The following ROBO1 variants were observed in gnomAD, a reference collection of about 807,000 sequenced individuals.
ROBO1 encodes roundabout homolog 1.
A neutral mutation model predicts 195.9 loss-of-function variants in ROBO1; 149 were observed. The observed-to-expected ratio is 0.76, with a 90% CI of 0.67 to 0.87. ROBO1 has a LOEUF of 0.87. ROBO1 is among the 40% of genes least tolerant of loss of function. The probability of loss-of-function intolerance (pLI) is 0.00; values close to 1 mark genes in which losing one functional copy is unlikely to be tolerated. For missense variants in ROBO1, 1,933 were observed against 2,068.3 expected, an observed-to-expected ratio of 0.93 and a Z score of 1.27; for synonymous variants, 816 against 733.2, an observed-to-expected ratio of 1.11 and a Z score of -1.82.
chr3:78,806,781 C>CATAT (rs778765442), intron 4 of ROBO1, among the ~76,000 whole-genome samples: 4 of 151,994 alleles, frequency 2.6e-5, no homozygotes, highest in Non-Finnish European at 4.4e-5. Flanking sequence ...GTGTCTTAGT[C>CATAT]TATATATAAA....
chr3:79,671,288 T>C (rs1946624434), intron 1 of ROBO1, among the ~76,000 whole-genome samples: 1 of 151,874 alleles, frequency 6.6e-6, no homozygotes, highest in Non-Finnish European at 1.5e-5. Context: ...TGGAAATTAA[T>C]TCTCTTTTAA....
chr3:78,871,071 C>T (rs533015707), intron 4 of ROBO1, among the ~76,000 whole-genome samples: 1 of 152,128 alleles, frequency 6.6e-6, no homozygotes, highest in Admixed American at 6.5e-5. Context: ...ATCAAAAATA[C>T]GAGATGCTGC....
At chr3:79,343,555 C>G (rs1158021121) in intron 2 of ROBO1, among the ~76,000 whole-genome samples, 1 of 152,142 alleles carries the variant, frequency 6.6e-6, no homozygotes, top group Non-Finnish European at 1.5e-5. Flanking sequence ...AAAGCCTTCA[C>G]AGAAATGCAC....
chr3:78,666,169 A>C (rs185927940), intron 14 of ROBO1, among the ~76,000 whole-genome samples: 1 of 151,820 alleles, frequency 6.6e-6, no homozygotes, highest in Non-Finnish European at 1.5e-5. Context: ...CATGATTGTA[A>C]GTTTTCTGAG....
intron 1 of ROBO1, among the ~76,000 whole-genome samples, chr3:79,629,161 A>G (rs746766883): frequency 2.0e-5 from 3 of 152,094 alleles, no homozygotes; most frequent in Admixed American, 6.6e-5. Flanking sequence ...CCTACTAGAC[A>G]TTTTCACAAC....
intron 1 of ROBO1, among the ~76,000 whole-genome samples, chr3:79,721,359 T>C (rs994144000): frequency 2.0e-5 from 3 of 152,066 alleles, no homozygotes; most frequent in African/African-American, 7.3e-5. Flanking sequence ...CTATTGTTTA[T>C]ATCATAAAAA....
At chr3:79,079,063 A>G (rs2079224389) in intron 3 of ROBO1, among the ~76,000 whole-genome samples, 1 of 151,760 alleles carries the variant, frequency 6.6e-6, no homozygotes, top group South Asian at 2.1e-4. Flanking sequence ...TATAAGTTGG[A>G]GACTATGTAC....
chr3:79,652,701 G>A (rs1469044715), intron 1 of ROBO1, among the ~76,000 whole-genome samples: 1 of 151,956 alleles, frequency 6.6e-6, no homozygotes, highest in African/African-American at 2.4e-5. Flanking sequence ...GGTGGTGATG[G>A]CAGTAGTAGT....
intron 3 of ROBO1, among the ~76,000 whole-genome samples, chr3:78,960,666 G>A (rs942704720): frequency 6.6e-6 from 1 of 151,844 alleles, no homozygotes; most frequent in Non-Finnish European, 1.5e-5. Flanking sequence ...TGTAGTCTCA[G>A]TTCCTCGGGA....
intron 2 of ROBO1, among the ~76,000 whole-genome samples, chr3:79,559,128 G>C (rs1942815485): frequency 6.6e-6 from 1 of 152,078 alleles, no homozygotes; most frequent in African/African-American, 2.4e-5. Flanking sequence ...GAAATGCCTC[G>C]TCACACCATG....
intron 2 of ROBO1, among the ~76,000 whole-genome samples, chr3:79,438,589 G>A (rs1331392422): frequency 6.6e-6 from 1 of 151,974 alleles, no homozygotes. Flanking sequence ...ATTACTTGGT[G>A]TGAGTTCTTA....
intron 3 of ROBO1, among the ~76,000 whole-genome samples, chr3:79,113,682 G>A (rs1454495034): frequency 2.0e-5 from 3 of 152,068 alleles, no homozygotes; most frequent in South Asian, 2.1e-4. Context: ...CAGGATAATC[G>A]CTTGAACCTG....
At chr3:78,941,959 C>T (rs113109659) in intron 3 of ROBO1, among the ~76,000 whole-genome samples, 1,658 of 152,184 alleles carry the variant, frequency 0.011, 32 homozygotes, top group African/African-American at 0.037. Flanking sequence ...CTGGACCTAA[C>T]AGGATGAGCT....
intron 2 of ROBO1, among the ~76,000 whole-genome samples, chr3:79,386,326 G>A (rs540375418): frequency 6.6e-6 from 1 of 151,982 alleles, no homozygotes; most frequent in Non-Finnish European, 1.5e-5. Flanking sequence ...ATGTAATGGG[G>A]AATTTAAAAA....
chr3:79,439,364 T>C (rs755230992), intron 2 of ROBO1, among the ~76,000 whole-genome samples: 1 of 152,210 alleles, frequency 6.6e-6, no homozygotes, highest in East Asian at 1.9e-4. Flanking sequence ...TTGTGCAGAA[T>C]CTAGTTTTGG....
chr3:79,534,270 C>T (rs755599270), intron 2 of ROBO1, among the ~76,000 whole-genome samples: 20 of 151,128 alleles, frequency 1.3e-4, no homozygotes, highest in Non-Finnish European at 2.2e-4. Flanking sequence ...TTATGACCTA[C>T]GTGACTTAAA....
At chr3:78,648,856 T>A (rs1311430811) in intron 19 of ROBO1, among the ~76,000 whole-genome samples, 2 of 152,082 alleles carry the variant, frequency 1.3e-5, no homozygotes, top group Non-Finnish European at 2.9e-5. Context: ...TACTGTAGAA[T>A]CGGAGCATTT....
chr3:79,029,116 G>A (rs944377736), intron 3 of ROBO1, among the ~76,000 whole-genome samples: 2 of 151,910 alleles, frequency 1.3e-5, no homozygotes, highest in Non-Finnish European at 2.9e-5. Context: ...TCTAAATAGG[G>A]ATCAACCTAT....
chr3:78,875,195 A>G (rs944123052), intron 4 of ROBO1, among the ~76,000 whole-genome samples: 2 of 152,038 alleles, frequency 1.3e-5, no homozygotes, highest in African/African-American at 4.8e-5. Flanking sequence ...TCTTGGCACT[A>G]ATTTCGGACT....
Sources: allele counts gnomAD v4.1 joint callset (sites outside exome capture counted in the v4.1 genomes callset), GRCh38; gene constraint gnomAD v4.1.1; transcripts MANE v1.5; gene names NCBI Gene and HGNC (gene_info 2026-07-23, HGNC 2026-07-21).